Variants in MAPRE2 observed in about 807,000 individuals in gnomAD.
The protein encoded by MAPRE2 is microtubule-associated protein RP/EB family member 2.
In MAPRE2, 13 loss-of-function variants were observed where a neutral mutation model predicts 43.2. The ratio of observed to expected loss-of-function variants is 0.30; its 90% confidence interval spans 0.20 to 0.48. The LOEUF (loss-of-function observed/expected upper bound fraction) is 0.48. Among genes scored for constraint, MAPRE2 ranks in the 20% least tolerant of loss-of-function variants. The probability of loss-of-function intolerance (pLI) is 0.99; values close to 1 mark genes in which losing one functional copy is unlikely to be tolerated. For missense variants in MAPRE2, 161 were observed against 400.2 expected (o/e 0.40, Z 5.10); for synonymous variants, 135 against 148.8 (o/e 0.91, Z 0.68).
At chr18:34,988,851 A>G (rs1034596564) in intron 1 of MAPRE2, 1 of 152,172 alleles carries the variant, frequency 6.6e-6, no homozygotes, top group Non-Finnish European at 1.5e-5. Context: ...ATCAAAAGGC[A>G]GGTTTTCTTT....
At chr18:35,051,396 G>A (rs1905927868) in intron 1 of MAPRE2, among the ~76,000 whole-genome samples, 1 of 152,152 alleles carries the variant, frequency 6.6e-6, no homozygotes, top group African/African-American at 2.4e-5. Context: ...AAGCCAAATT[G>A]ATAAGTTTGG....
At chr18:35,041,937 T>C (rs972799258) in intron 1 of MAPRE2, among the ~76,000 whole-genome samples, 1 of 152,216 alleles carries the variant, frequency 6.6e-6, no homozygotes, top group Non-Finnish European at 1.5e-5. Flanking sequence ...AAATGCATGC[T>C]GTTTTCCCCC....
At chr18:35,021,009 T>C (rs999341790) in intron 2 of MAPRE2, among the ~76,000 whole-genome samples, 1 of 152,130 alleles carries the variant, frequency 6.6e-6, no homozygotes, top group African/African-American at 2.4e-5. Context: ...GAAGATGTGG[T>C]CTTTGAGCCG....
At chr18:35,073,853 A>G (rs1907220306) in intron 2 of MAPRE2, among the ~76,000 whole-genome samples, 1 of 152,244 alleles carries the variant, frequency 6.6e-6, no homozygotes, top group African/African-American at 2.4e-5. Context: ...TTTAAAGGAA[A>G]GATGGCGTGA....
In MAPRE2 at chr18:35,105,859, G is replaced by GTATA. The variant is rs534706851; in HGVS notation, c.610+3702_610+3705dup. 3.4e-3 allele frequency among the ~76,000 whole-genome samples: 524 copies of GTATA among 152,056 alleles called. 6 individuals are homozygous for GTATA. The highest frequency in any genetic ancestry group is 2.5e-3 in the Non-Finnish European group (167 of 67,990). On this transcript the variant is annotated intron_variant, in intron 4 of 6. Coordinates refer to ENST00000300249, the MANE Select transcript of MAPRE2 (RefSeq NM_014268.4). ...TTCCATTGCCTCTCAGTAGTCTTTA[G>GTATA]TATATGTATGACACCAGCAGGCAGT...
At chr18:35,122,034 G>A (rs567544023) in intron 4 of MAPRE2, among the ~76,000 whole-genome samples, 9 of 152,280 alleles carry the variant, frequency 5.9e-5, no homozygotes, top group South Asian at 4.1e-4. Context: ...AGAAGGCAGC[G>A]AGACCTAGAA....
chr18:34,977,202 C>A (rs1008166771), intron 1 of MAPRE2: 43 of 152,774 alleles, frequency 2.8e-4, no homozygotes, highest in African/African-American at 9.9e-4. Context: ...CTGCAGCCCG[C>A]GGGGCTCGGA....
In MAPRE2 at chr18:35,136,287, G is replaced by A. The variant is rs573755317; in HGVS notation, c.910-4008G>A. On this transcript the variant is annotated intron_variant, in intron 6 of 6. Transcript: ENST00000300249. ...TGTCAGCTGAAGGGCACCAGCTTAT[G>A]AACAGTTACTTGTTTCCTGCAGGGA... 3.0e-3 allele frequency among the ~76,000 whole-genome samples: 464 copies of A among 152,294 alleles called. 4 individuals carry two copies. Among genetic ancestry groups the A allele is most frequent in the Non-Finnish European group, 4.4e-3 (301 of 68,020 alleles).
intron 1 of MAPRE2, among the ~76,000 whole-genome samples, chr18:35,057,637 C>A (rs1051845603): frequency 6.6e-6 from 1 of 151,880 alleles, no homozygotes; most frequent in Admixed American, 6.6e-5. Context: ...TTAAAAAATT[C>A]TTCTTCTGTT....
chr18:35,134,074 TGGTTG>T (rs1569017324), intron 6 of MAPRE2, among the ~76,000 whole-genome samples: 1 of 152,206 alleles, frequency 6.6e-6, no homozygotes, highest in East Asian at 1.9e-4. Context: ...CTGAGACACC[TGGTTG>T]GGGTTTGAGG....
At chr18:35,104,113 A>T (rs1244107793) in intron 4 of MAPRE2, among the ~76,000 whole-genome samples, 1 of 152,206 alleles carries the variant, frequency 6.6e-6, no homozygotes, top group Non-Finnish European at 1.5e-5. Context: ...AAACCGTAGG[A>T]AATTTGTAGA....
chr18:35,030,744 C>A (rs987050139), intron 2 of MAPRE2, among the ~76,000 whole-genome samples: 1 of 151,836 alleles, frequency 6.6e-6, no homozygotes, highest in African/African-American at 2.4e-5. Context: ...TTACAACAGA[C>A]TTTAAAAGCC....
At chr18:35,011,866 T>C (rs2097034890) in intron 2 of MAPRE2, among the ~76,000 whole-genome samples, 1 of 152,084 alleles carries the variant, frequency 6.6e-6, no homozygotes, top group Non-Finnish European at 1.5e-5. Context: ...TAAATGCTGT[T>C]TCAGTGCTAT....
chr18:35,075,248 C>T (rs978567394), intron 2 of MAPRE2, among the ~76,000 whole-genome samples: 1 of 152,196 alleles, frequency 6.6e-6, no homozygotes, highest in East Asian at 1.9e-4. Flanking sequence ...GCAGGTGCTC[C>T]GGGCCCCACC....
upstream of MAPRE2, among the ~76,000 whole-genome samples, chr18:35,037,672 TC>T (rs398038568): frequency 6.6e-6 from 1 of 151,856 alleles, no homozygotes; most frequent in East Asian, 1.9e-4. Context: ...ATTTTTTTTT[TC>T]CCTTAGGATG....
chr18:34,989,195 C>T (rs866424242), intron 1 of MAPRE2, among the ~76,000 whole-genome samples: 15 of 152,308 alleles, frequency 9.8e-5, no homozygotes, highest in Middle Eastern at 3.4e-3. Context: ...GCAACTATTA[C>T]AAAAACTATT....
intron 2 of MAPRE2, among the ~76,000 whole-genome samples, chr18:35,077,590 TA>T (rs1179525155): frequency 6.6e-6 from 1 of 152,198 alleles, no homozygotes; most frequent in Non-Finnish European, 1.5e-5. Flanking sequence ...AACATAGTAC[TA>T]AGGAGTCTCT....
intron 2 of MAPRE2, among the ~76,000 whole-genome samples, chr18:35,007,415 G>A (rs190136876): frequency 1.6e-4 from 24 of 152,248 alleles, no homozygotes; most frequent in Admixed American, 1.4e-3. Flanking sequence ...CTTATATATG[G>A]GGGTATGGGA....
intron 2 of MAPRE2, among the ~76,000 whole-genome samples, chr18:35,084,381 G>C (rs988677255): frequency 2.6e-5 from 4 of 152,156 alleles, no homozygotes; most frequent in African/African-American, 9.7e-5. Context: ...CTGCAGTTTG[G>C]TGCAGGCCTA....
Sources: allele counts gnomAD v4.1 joint callset (sites outside exome capture counted in the v4.1 genomes callset), GRCh38; gene constraint gnomAD v4.1.1; transcripts MANE v1.5; gene names NCBI Gene and HGNC (gene_info 2026-07-23, HGNC 2026-07-21).